Variants in KIF5C observed in about 807,000 individuals in gnomAD.
KIF5C encodes kinesin family member 5C.
In KIF5C, 18 loss-of-function variants were observed where a neutral mutation model predicts 125.2. The observed-to-expected ratio is 0.14, with a 90% CI of 0.10 to 0.21. The LOEUF is 0.21. Among genes scored for constraint, KIF5C ranks in the 10% least tolerant of loss-of-function variants. KIF5C has a pLI of 1.00. For missense variants in KIF5C, 780 were observed against 1,183.8 expected (o/e 0.66, Z 5.01); for synonymous variants, 405 against 434.0 (o/e 0.93, Z 0.83).
intron 1 of KIF5C, among the ~76,000 whole-genome samples, chr2:148,911,185 T>A (rs1017992171): frequency 1.3e-5 from 2 of 152,096 alleles, no homozygotes; most frequent in Admixed American, 1.3e-4. Flanking sequence ...TGCCTTTCCA[T>A]GTGAGAGAGT....
intron 25 of KIF5C, among the ~76,000 whole-genome samples, chr2:149,018,420 C>T (rs1019245895): frequency 6.6e-5 from 10 of 152,186 alleles, no homozygotes; most frequent in African/African-American, 1.4e-4. Flanking sequence ...CCCAAAGAGG[C>T]GGGATGAGCT....
intron 2 of KIF5C, among the ~76,000 whole-genome samples, chr2:148,927,251 G>A (rs1682037890): frequency 6.6e-6 from 1 of 152,162 alleles, no homozygotes; most frequent in Non-Finnish European, 1.5e-5. Flanking sequence ...CTCGGGTGTG[G>A]CCTAATTCAG....
intron 25 of KIF5C, chr2:149,020,394 A>G (rs1212136915): frequency 6.6e-6 from 1 of 152,154 alleles, no homozygotes; most frequent in Admixed American, 6.5e-5. Flanking sequence ...TGACTAAACT[A>G]AGCAGGTGGG....
intron 4 of KIF5C, among the ~76,000 whole-genome samples, chr2:148,937,759 G>T (rs560730372): frequency 6.6e-6 from 1 of 152,352 alleles, no homozygotes; most frequent in East Asian, 1.9e-4. Flanking sequence ...GGCTAGCAGG[G>T]AAAAGGGCTG....
intron 1 of KIF5C, among the ~76,000 whole-genome samples, chr2:148,918,969 T>C (rs949133348): frequency 5.9e-5 from 9 of 152,154 alleles, no homozygotes; most frequent in African/African-American, 2.2e-4. Flanking sequence ...GGGATATAGT[T>C]TGGATATGGA....
chr2:148,910,909 G>A (rs1681308403), intron 1 of KIF5C, among the ~76,000 whole-genome samples: 1 of 152,236 alleles, frequency 6.6e-6, no homozygotes, highest in East Asian at 1.9e-4. Context: ...TTGCATGATG[G>A]TGGTGAGGGA....
chr2:148,941,819 C>A, intron 5 of KIF5C, 116 bp from the exon 6 acceptor site: 1 of 1,462,522 alleles, frequency 6.8e-7, no homozygotes. Flanking sequence ...CTTAAACTTG[C>A]ATATTGCAAA....
Position 148,875,444 on chromosome 2 carries a change from G to A in KIF5C, c.-174G>A. Reference sequence around the variant, plus strand: ...AGAAGCTGCCCACCTTCCCGGGCTCGGAGCGGCCGGGGCTGCTCAGCCGGC... The same window carrying A: ...AGAAGCTGCCCACCTTCCCGGGCTCAGAGCGGCCGGGGCTGCTCAGCCGGC... On this transcript the variant is annotated 5_prime_UTR_variant, in exon 1 of 26. Coordinates refer to ENST00000435030, the MANE Select transcript of KIF5C (RefSeq NM_004522.3). The A allele has an allele frequency of 1.8e-6, 1 of 565,836 alleles. No homozygotes were observed. The highest frequency in any genetic ancestry group is 3.1e-6 in the Non-Finnish European group (1 of 325,050). 35.1% of individuals were successfully genotyped at this position (565,836 alleles called of 1,614,324 possible).
intron 1 of KIF5C, among the ~76,000 whole-genome samples, chr2:148,911,346 G>A (rs1681328591): frequency 6.6e-6 from 1 of 152,184 alleles, no homozygotes; most frequent in Non-Finnish European, 1.5e-5. Flanking sequence ...CTGAGCCAGA[G>A]AATGCAGCAT....
chr2:148,997,371 A>G, intron 18 of KIF5C, 31 bp downstream of exon 18: 1 of 1,613,764 alleles, frequency 6.2e-7, no homozygotes, highest in Non-Finnish European at 8.5e-7. Context: ...CATCAAGCCC[A>G]GTGTGCATTT....
In KIF5C at chr2:148,924,474, C is replaced by G. The variant is rs1681913669; in HGVS notation, c.217+2247C>G. 6.7e-6 allele frequency among the ~76,000 whole-genome samples: 1 copy of G among 149,122 alleles called. No individual in the cohort carries two copies. The highest frequency in any genetic ancestry group is 1.5e-5 in the Non-Finnish European group (1 of 67,862). ...CTCTCTCTGGTTTTTCATTCCCTAC[C>G]ACTTCACTGGGTTAAAAAAAATATA... On this transcript the variant is annotated intron_variant, in intron 2 of 25. Coordinates refer to ENST00000435030, the MANE Select transcript of KIF5C (RefSeq NM_004522.3). This position sits in a 1 kb window ranked among gnomAD's most constrained non-coding sequence, Gnocchi z 4.0.
chr2:148,990,057 G>T (rs1681484891), intron 15 of KIF5C, among the ~76,000 whole-genome samples: 1 of 145,046 alleles, frequency 6.9e-6, no homozygotes, highest in Non-Finnish European at 1.5e-5. Context: ...TTCTGGACAG[G>T]GCTCTTTGTT....
Position 148,973,429 on chromosome 2 carries a change from C to T in KIF5C, c.1211C>T (p.Pro404Leu), listed in dbSNP as rs1447831565. The T allele has an allele frequency of 1.2e-6, 2 of 1,613,614 alleles. No homozygotes were observed. Among genetic ancestry groups the T allele is most frequent in the Non-Finnish European group, 1.7e-6 (2 of 1,179,744 alleles). The change falls in exon 12 of 26, where the codon CCT becomes CTT. Residue 404 changes from proline to leucine, a missense_variant. Transcript: ENST00000435030. ...ACCCCCATCATAGACAATATTGCTC[C>T]TGTTGTTGCTGGCATCTCTACAGAG... ...DNTPIIDNIA[P>L]VVAGISTEEK...
chr2:148,905,003 AAAG>A (rs1254010051), intron 1 of KIF5C, among the ~76,000 whole-genome samples: 9 of 152,228 alleles, frequency 5.9e-5, no homozygotes, highest in African/African-American at 2.2e-4. Flanking sequence ...TAATAAAAGG[AAAG>A]AACAGGTCCT....
chr2:148,947,643 T>C lies in KIF5C; in HGVS notation c.714+620T>C, dbSNP rs112963829. ...CTTTTGTCGTCTACACCCTGACCCATGCCCTCCCAGGCCCTGGCTGGGGCT... is the reference window on the plus strand; with the variant it reads ...CTTTTGTCGTCTACACCCTGACCCACGCCCTCCCAGGCCCTGGCTGGGGCT... On this transcript the variant is annotated intron_variant, in intron 8 of 25. Transcript: ENST00000435030. Among the ~76,000 whole-genome samples, 595 of 152,340 alleles carry C rather than the reference T, an allele frequency of 3.9e-3. 3 individuals carry two copies. The highest frequency in any genetic ancestry group is 0.014 in the African/African-American group (564 of 41,582).
chr2:149,017,841 A>G (rs1682411802), intron 25 of KIF5C, among the ~76,000 whole-genome samples: 1 of 152,252 alleles, frequency 6.6e-6, no homozygotes, highest in Non-Finnish European at 1.5e-5. Flanking sequence ...AAACAAATTT[A>G]GAAATTAAAT....
Position 148,876,595 on chromosome 2 carries a change from C to G in KIF5C, c.126+852C>G, listed in dbSNP as rs1416166626. 9.2e-5 allele frequency among the ~76,000 whole-genome samples: 14 copies of G among 152,122 alleles called. No individual in the cohort carries two copies. The highest frequency in any genetic ancestry group is 9.2e-4 in the Admixed American group (14 of 15,282). ...CTCGGACCCCCCTCCCTCTCTATCT[C>G]CCTTCCCCACCTTTTCTCCCCCACC... On this transcript the variant is annotated intron_variant, in intron 1 of 25. Coordinates refer to ENST00000435030, the MANE Select transcript of KIF5C (RefSeq NM_004522.3). The surrounding 1 kb of genome is among the most constrained non-coding windows in gnomAD (Gnocchi z 4.7).
intron 21 of KIF5C, among the ~76,000 whole-genome samples, chr2:149,002,073 G>A (rs533160709): frequency 6.6e-6 from 1 of 152,354 alleles, no homozygotes; most frequent in Admixed American, 6.5e-5. Flanking sequence ...GGCTGCTGCC[G>A]GGGAACCCGA....
At position 149,025,916 on chromosome 2, in the gene KIF5C, A is replaced by C. The variant is rs944732692; in HGVS notation, c.*2846A>C. Reference sequence around the variant, plus strand: ...AGAACAATAACAGTTTCGCGTTAAGACTTTTAAAGGAAATAGAATCGTGAT... The same window carrying C: ...AGAACAATAACAGTTTCGCGTTAAGCCTTTTAAAGGAAATAGAATCGTGAT... On this transcript the variant is annotated 3_prime_UTR_variant, in exon 26 of 26. Coordinates refer to ENST00000435030, the MANE Select transcript of KIF5C (RefSeq NM_004522.3). The C allele has an allele frequency of 2.6e-5, 4 of 152,676 alleles. No homozygotes were observed. Among genetic ancestry groups the C allele is most frequent in the East Asian group, 1.9e-4 (1 of 5,206 alleles). 9.5% of individuals were successfully genotyped at this position (152,676 alleles called of 1,614,324 possible). A position where few individuals can be genotyped will look rare whatever the true frequency, so the allele number is the denominator to read the frequency against.
Sources: gnomAD v4.1 joint callset for allele counts (sites outside exome capture counted in the v4.1 genomes callset) on GRCh38, gnomAD v4.1.1 for gene constraint, Gnocchi (gnomAD v3.1) non-coding constraint, MANE v1.5 for transcripts, NCBI Gene and HGNC (gene_info 2026-07-23, HGNC 2026-07-21) for gene names.